The following CACNA1C variants were observed in gnomAD, a reference collection of about 807,000 sequenced individuals.
CACNA1C encodes calcium voltage-gated channel subunit alpha1 C.
Under a neutral mutation model 229.0 loss-of-function variants are expected in CACNA1C, and 30 were observed. The observed-to-expected ratio is 0.13, with a 90% CI of 0.10 to 0.18. The LOEUF (loss-of-function observed/expected upper bound fraction) is 0.18. CACNA1C is among the 10% of genes least tolerant of loss of function. CACNA1C has a pLI of 1.00. For missense variants in CACNA1C, 1,658 were observed against 2,845.0 expected (o/e 0.58, Z 9.49); for synonymous variants, 1,114 against 1,132.5 (o/e 0.98, Z 0.33).
chr12:1,971,345 A>T lies in CACNA1C; in HGVS notation c.139+144A>T, dbSNP rs2032159475. 2.4e-6 allele frequency: 1 copy of T among 411,400 alleles called. No homozygotes were observed. Among genetic ancestry groups the T allele is most frequent in the Non-Finnish European group, 4.1e-6 (1 of 244,320 alleles). 25.5% of individuals were successfully genotyped at this position (411,400 alleles called of 1,614,324 possible). A position where few individuals can be genotyped will look rare whatever the true frequency, so the allele number is the denominator to read the frequency against. ...ATCAGGATTTACCACACACCGTTGT[A>T]AAATTTTGCCTGTAACTGCACTATC... On this transcript the variant is annotated intron_variant, in intron 1 of 46. Coordinates refer to the CACNA1C transcript ENST00000682462. The surrounding 1 kb of genome is among the most constrained non-coding windows in gnomAD (Gnocchi z 4.2).
Position 2,666,646 on chromosome 12 carries a change from G to GCTCT in CACNA1C, c.4527-37_4527-34dup. 2.2e-6 allele frequency: 3 copies of GCTCT among 1,356,218 alleles called. No individual in the cohort carries two copies. In the South Asian group the frequency reaches 3.7e-5, roughly 17 times the overall value. 84.0% of individuals were successfully genotyped at this position (1,356,218 alleles called of 1,614,324 possible). A position where few individuals can be genotyped will look rare whatever the true frequency, so the allele number is the denominator to read the frequency against. On this transcript the variant is annotated intron_variant, in intron 36 of 46. Coordinates refer to ENST00000399655, the MANE Select transcript of CACNA1C (RefSeq NM_000719.7). This position sits in a 1 kb window ranked among gnomAD's most constrained non-coding sequence, Gnocchi z 5.3. The stretch of plus-strand genomic sequence containing the variant: ...TCCTGGGCTGCTGGCAGAGACCGTG[G>GCTCT]CTCTCTGATGCCCTGTCCCTCCTCT...
intron 1 of CACNA1C, among the ~76,000 whole-genome samples, chr12:2,001,566 G>T (rs577514064): frequency 3.3e-5 from 5 of 152,246 alleles, no homozygotes; most frequent in African/African-American, 1.2e-4. Flanking sequence ...ATTATTCTCA[G>T]TTAAAATAAT....
intron 10 of CACNA1C, among the ~76,000 whole-genome samples, chr12:2,552,558 G>A (rs1473945749): frequency 2.6e-5 from 4 of 152,172 alleles, no homozygotes; most frequent in African/African-American, 9.7e-5. Flanking sequence ...TGAGTGGGAG[G>A]TTGATTTGGT....
chr12:2,162,004 A>C lies in CACNA1C; in HGVS notation c.477+41574A>C, dbSNP rs568833527. On this transcript the variant is annotated intron_variant, in intron 3 of 46. Coordinates refer to ENST00000399655, the MANE Select transcript of CACNA1C (RefSeq NM_000719.7). ...ATGTTCTAATTATCTGTTTCCAGCC[A>C]GATTGTAAGGTCAACAATGGTAGTT... is the stretch of plus-strand genomic sequence containing the variant. Among the ~76,000 whole-genome samples the C allele has an allele frequency of 4.6e-5, 7 of 152,344 alleles. No individual in the cohort carries two copies. The East Asian group carries it at 1.4e-3, about 29-fold the overall frequency.
chr12:2,481,115 C>A (rs934716840), intron 5 of CACNA1C, among the ~76,000 whole-genome samples: 20 of 152,226 alleles, frequency 1.3e-4, no homozygotes, highest in African/African-American at 4.8e-4. Flanking sequence ...CATTTTCATA[C>A]TCTTTTGTGA....
At chr12:2,478,680 C>G (rs1052026100) in intron 5 of CACNA1C, among the ~76,000 whole-genome samples, 9 of 152,166 alleles carry the variant, frequency 5.9e-5, no homozygotes. Context: ...AACGATCATC[C>G]TCTCTTTAAG....
chr12:2,675,754 T>C (rs983923446), intron 39 of CACNA1C, among the ~76,000 whole-genome samples: 1 of 152,170 alleles, frequency 6.6e-6, no homozygotes, highest in Non-Finnish European at 1.5e-5. Context: ...AGCAGAATCA[T>C]GGATGTGTGG....
intron 1 of CACNA1C, among the ~76,000 whole-genome samples, chr12:2,011,863 G>A (rs1315370458): frequency 6.6e-6 from 1 of 152,174 alleles, no homozygotes; most frequent in Non-Finnish European, 1.5e-5. Context: ...CTGCCAGGGT[G>A]GATGGGCTCT....
In CACNA1C at chr12:2,607,032, C is replaced by T. The variant is rs757290350; in HGVS notation, c.3258C>T (p.Ile1086=). The change falls in exon 26 of 47, where the codon ATC becomes ATT. Residue 1086 remains isoleucine, a synonymous_variant. Transcript: ENST00000399655. ...YKDGEVDHPI[I]QPRSWENSKF... is the part of the protein sequence containing the mutation. ...ACGGGGAGGTTGACCACCCCATCAT[C>T]CAACCCCGCAGCTGGGAGAACAGCA... 12 of 1,613,880 alleles carry T rather than the reference C, an allele frequency of 7.4e-6. No individual in the cohort carries two copies. In the Admixed American group the frequency reaches 1.2e-4, roughly 16 times the overall value.
chr12:2,254,585 G>C (rs2076690929), intron 3 of CACNA1C, among the ~76,000 whole-genome samples: 1 of 152,154 alleles, frequency 6.6e-6, no homozygotes, highest in Non-Finnish European at 1.5e-5. Flanking sequence ...GCTGTGGATT[G>C]TCCAGGGTCC....
chr12:2,318,851 GGGAA>G (rs946870789), intron 3 of CACNA1C, among the ~76,000 whole-genome samples: 1 of 151,778 alleles, frequency 6.6e-6, no homozygotes, highest in African/African-American at 2.4e-5. Flanking sequence ...CAGAGAGACA[GGGAA>G]GGAGGGAGGG....
intron 3 of CACNA1C, among the ~76,000 whole-genome samples, chr12:2,259,790 G>T (rs919703880): frequency 6.6e-6 from 1 of 152,098 alleles, no homozygotes; most frequent in African/African-American, 2.4e-5. Context: ...AAAATAATTA[G>T]CCAGGCATGG....
intron 3 of CACNA1C, among the ~76,000 whole-genome samples, chr12:2,252,954 C>T (rs2076139898): frequency 1.3e-5 from 2 of 152,028 alleles, no homozygotes; most frequent in African/African-American, 2.4e-5. Context: ...TCATTTACTC[C>T]CTACCCCTTG....
At chr12:2,225,995 GAA>G (rs1364140781) in intron 3 of CACNA1C, among the ~76,000 whole-genome samples, 6 of 152,140 alleles carry the variant, frequency 3.9e-5, no homozygotes, top group African/African-American at 1.4e-4. Context: ...GCTCTAGGGA[GAA>G]GAGTACCATT....
chr12:2,549,730 G>A (rs1476947267), intron 9 of CACNA1C, among the ~76,000 whole-genome samples: 1 of 152,188 alleles, frequency 6.6e-6, no homozygotes, highest in Non-Finnish European at 1.5e-5. Flanking sequence ...ACTTCCATTA[G>A]TTTACAGTGT....
intron 4 of CACNA1C, among the ~76,000 whole-genome samples, chr12:2,455,291 C>T (rs2099410666): frequency 6.6e-6 from 1 of 152,168 alleles, no homozygotes; most frequent in African/African-American, 2.4e-5. Context: ...TATACGGTAG[C>T]CACACGTGGC....
At chr12:2,328,663 A>G (rs867231906) in intron 3 of CACNA1C, among the ~76,000 whole-genome samples, 11 of 152,178 alleles carry the variant, frequency 7.2e-5, no homozygotes, top group Non-Finnish European at 1.3e-4. Flanking sequence ...GGAAGCTGAG[A>G]ACTGAATCAA....
intron 1 of CACNA1C, among the ~76,000 whole-genome samples, chr12:2,105,244 A>T (rs2077761409): frequency 6.6e-6 from 1 of 152,202 alleles, no homozygotes; most frequent in African/African-American, 2.4e-5. Flanking sequence ...TGCCTTCTCC[A>T]GCCTTCATGT....
rs557374758 is a variant in CACNA1C at position 2,437,765 on chromosome 12, G to C, written c.478-11211G>C. Among the ~76,000 whole-genome samples, 13 of 152,068 alleles carry C rather than the reference G, an allele frequency of 8.5e-5. No homozygotes were observed. In the South Asian group the frequency reaches 2.7e-3, roughly 32 times the overall value. ...AATGGGGATGGTGGTAATGGTGATA[G>C]TGGAGATGGTAGAGGTGGTGATGGT... On this transcript the variant is annotated intron_variant, in intron 3 of 46. Coordinates refer to ENST00000399655, the MANE Select transcript of CACNA1C (RefSeq NM_000719.7).
Sources: allele counts gnomAD v4.1 joint callset (sites outside exome capture counted in the v4.1 genomes callset), GRCh38; gene constraint gnomAD v4.1.1; non-coding constraint Gnocchi (gnomAD v3.1); transcripts MANE v1.5; gene names NCBI Gene and HGNC (gene_info 2026-07-23, HGNC 2026-07-21).